Variants in ARHGAP32 observed in about 807,000 individuals in gnomAD.
The protein encoded by ARHGAP32 is Rho GTPase activating protein 32, also known as rho GTPase-activating protein 32.
Under a neutral mutation model 186.5 loss-of-function variants are expected in ARHGAP32, and 51 were observed. The observed-to-expected ratio is 0.27, with a 90% confidence interval of 0.22 to 0.35. The LOEUF (loss-of-function observed/expected upper bound fraction) is 0.35. Among genes scored for constraint, ARHGAP32 ranks in the 10% least tolerant of loss-of-function variants. The pLI is 1.00. For missense variants in ARHGAP32, 2,186 were observed against 2,623.5 expected, an observed-to-expected ratio of 0.83 and a Z score of 3.64; for synonymous variants, 950 against 964.3, an observed-to-expected ratio of 0.99 and a Z score of 0.27.
intron 1 of ARHGAP32, among the ~76,000 whole-genome samples, chr11:129,181,034 T>C (rs1322210562): frequency 3.9e-5 from 6 of 152,160 alleles, no homozygotes; most frequent in Admixed American, 2.6e-4. Context: ...AAGACAAATA[T>C]AGCATATTAC....
At chr11:129,195,038 C>T (rs1231228519), upstream of ARHGAP32, among the ~76,000 whole-genome samples, 2 of 151,142 alleles carry the variant, frequency 1.3e-5, no homozygotes, top group Non-Finnish European at 2.9e-5. Context: ...GGCACGATCT[C>T]GACTCACTGC....
At chr11:129,278,247 T>A (rs1174605806) in intron 1 of ARHGAP32, among the ~76,000 whole-genome samples, 2 of 152,268 alleles carry the variant, frequency 1.3e-5, no homozygotes, top group Admixed American at 1.3e-4. Context: ...GCTAGCCATG[T>A]AGCATCACGC....
intron 6 of ARHGAP32, among the ~76,000 whole-genome samples, chr11:129,073,372 C>T (rs947551244): frequency 5.3e-5 from 8 of 152,022 alleles, no homozygotes; most frequent in Non-Finnish European, 7.4e-5. Flanking sequence ...TATGCAAGAA[C>T]AGATGTAAGC....
chr11:129,103,339 A>G (rs1846174824), intron 5 of ARHGAP32, among the ~76,000 whole-genome samples: 1 of 152,152 alleles, frequency 6.6e-6, no homozygotes, highest in African/African-American at 2.4e-5. Flanking sequence ...AGGTCAATGA[A>G]AAGTATCCAC....
chr11:129,034,618 G>A (rs927740616), intron 11 of ARHGAP32, among the ~76,000 whole-genome samples: 2 of 151,476 alleles, frequency 1.3e-5, no homozygotes, highest in African/African-American at 4.8e-5. Flanking sequence ...AGAAAAATAC[G>A]AGAATTGAAG....
intron 18 of ARHGAP32, among the ~76,000 whole-genome samples, chr11:128,980,219 C>T (rs776739821): frequency 1.8e-4 from 27 of 152,222 alleles, no homozygotes; most frequent in Non-Finnish European, 3.7e-4. Context: ...TCTTCCAACA[C>T]AGCTTATTTC....
intron 11 of ARHGAP32, among the ~76,000 whole-genome samples, chr11:129,017,259 G>T (rs1444242024): frequency 1.3e-5 from 2 of 152,070 alleles, no homozygotes; most frequent in East Asian, 1.9e-4. Context: ...TTCGAGACCA[G>T]CCTGGCCAAC....
chr11:128,991,500 G>A (rs1946050330), intron 12 of ARHGAP32, among the ~76,000 whole-genome samples: 1 of 151,916 alleles, frequency 6.6e-6, no homozygotes, highest in Non-Finnish European at 1.5e-5. Context: ...CGAAAGAGTA[G>A]GAAAGCAATA....
intron 1 of ARHGAP32, among the ~76,000 whole-genome samples, chr11:129,267,275 A>G (rs1053258395): frequency 2.0e-5 from 3 of 152,166 alleles, no homozygotes; most frequent in African/African-American, 7.2e-5. Flanking sequence ...GAGGCAGGAA[A>G]ATCACTTGAA....
intron 11 of ARHGAP32, among the ~76,000 whole-genome samples, chr11:129,008,915 T>C (rs961601395): frequency 2.0e-5 from 3 of 152,226 alleles, no homozygotes; most frequent in Admixed American, 1.3e-4. Flanking sequence ...GGTGTAATTA[T>C]TCTCCTCTAG....
rs550893858 is a variant in ARHGAP32 at position 129,016,711 on chromosome 11, A to G, written c.1046-18243T>C. Among the ~76,000 whole-genome samples the G allele has an allele frequency of 5.3e-5, 8 of 152,340 alleles. No homozygotes were observed. The East Asian group carries it at 1.5e-3, about 29-fold the overall frequency. On this transcript the variant is annotated intron_variant, in intron 11 of 22. Coordinates refer to ENST00000682385, the MANE Select transcript of ARHGAP32 (RefSeq NM_001378024.1). ...TATTTTTAGCCATTTCCCATTTCAC[A>G]TAAATTTTAGAATCAGCTTGTCAAA...
intron 1 of ARHGAP32, among the ~76,000 whole-genome samples, chr11:129,233,745 A>T (rs1269043132): frequency 6.6e-6 from 1 of 152,092 alleles, no homozygotes; most frequent in Non-Finnish European, 1.5e-5. Context: ...TATTACACGG[A>T]ATAAATGAGA....
At chr11:129,087,446 T>C (rs1941440731) in intron 6 of ARHGAP32, among the ~76,000 whole-genome samples, 1 of 152,198 alleles carries the variant, frequency 6.6e-6, no homozygotes, top group Non-Finnish European at 1.5e-5. Flanking sequence ...TAAAAAGACA[T>C]GTAGGAAATT....
intron 12 of ARHGAP32, among the ~76,000 whole-genome samples, chr11:128,992,450 A>ACCAC (rs879800913): frequency 1.4e-5 from 2 of 143,286 alleles, no homozygotes; most frequent in East Asian, 2.0e-4. Flanking sequence ...ACCACCACCA[A>ACCAC]CAACAACACA....
intron 6 of ARHGAP32, among the ~76,000 whole-genome samples, chr11:129,081,146 G>C (rs1243026962): frequency 1.3e-5 from 2 of 151,946 alleles, no homozygotes; most frequent in Middle Eastern, 3.2e-3. Flanking sequence ...AAAAGTCCAG[G>C]ACCAGATGGA....
intron 1 of ARHGAP32, among the ~76,000 whole-genome samples, chr11:129,237,451 T>C (rs1276024435): frequency 6.6e-6 from 1 of 152,188 alleles, no homozygotes; most frequent in Non-Finnish European, 1.5e-5. Context: ...CAAATGTTTT[T>C]AAAGGATTAT....
Position 129,192,065 on chromosome 11 carries a change from T to C in ARHGAP32, c.116+18A>G. 1 of 1,583,906 alleles carries C rather than the reference T, an allele frequency of 6.3e-7. No homozygotes were observed. The highest frequency in any genetic ancestry group is 8.7e-7 in the Non-Finnish European group (1 of 1,152,958). On this transcript the variant is annotated intron_variant, in intron 1 of 22. Transcript: ENST00000682385. ...TAGGGAGTGGACAGGACAAAGGAAC[T>C]GTGAATTCCATAATCACCTGAACTT...
intron 15 of ARHGAP32, chr11:128,985,780 A>AACATAT (rs755400775): frequency 2.8e-5 from 5 of 181,654 alleles, no homozygotes; most frequent in Admixed American, 1.2e-4. Context: ...TCTATACATA[A>AACATAT]ACATATACAT....
intron 11 of ARHGAP32, among the ~76,000 whole-genome samples, chr11:129,008,379 A>G (rs911327633): frequency 6.6e-6 from 1 of 152,180 alleles, no homozygotes; most frequent in African/African-American, 2.4e-5. Context: ...CTCCTGAGGG[A>G]ACCTTGTGTG....
Sources: gnomAD v4.1 joint callset for allele counts (sites outside exome capture counted in the v4.1 genomes callset) on GRCh38, gnomAD v4.1.1 for gene constraint, MANE v1.5 for transcripts, NCBI Gene and HGNC (gene_info 2026-07-23, HGNC 2026-07-21) for gene names.